The following DHX35 variants were observed in gnomAD, a reference collection of about 807,000 sequenced individuals.
DHX35 encodes the protein DEAH-box helicase 35.
A neutral mutation model predicts 99.6 loss-of-function variants in DHX35; 84 were observed. The observed-to-expected ratio is 0.84, with a 90% CI of 0.71 to 1.01. The LOEUF is 1.01. Among genes scored for constraint, DHX35 ranks in the 50% least tolerant of loss-of-function variants. The pLI, the probability that DHX35 is intolerant of heterozygous loss-of-function variation, is 0.00. For missense variants in DHX35, 852 were observed against 888.5 expected, an observed-to-expected ratio of 0.96 and a Z score of 0.52; for synonymous variants, 331 against 316.2, an observed-to-expected ratio of 1.05 and a Z score of -0.50.
chr20:39,001,495 ATTATTT>A (rs1422283343), intron 8 of DHX35, among the ~76,000 whole-genome samples: 1 of 152,188 alleles, frequency 6.6e-6, no homozygotes, highest in African/African-American at 2.4e-5. Flanking sequence ...TCTAACCTTT[ATTATTT>A]TTATTAAAAC....
In DHX35 at chr20:39,038,495, G is replaced by A. The variant is rs764562394; in HGVS notation, c.2068-4G>A. The stretch of plus-strand genomic sequence containing the variant: ...CAACTGTAGTGTCTTCTCTTCTGTT[G>A]CAGCACCTGTCTCTGAAAGCCAAAA... On this transcript the variant is annotated splice_region_variant and splice_polypyrimidine_tract_variant and intron_variant, in intron 21 of 21. Transcript: ENST00000252011. 1.9e-6 allele frequency: 3 copies of A among 1,613,594 alleles called. No individual in the cohort carries two copies. In the South Asian group the frequency reaches 3.3e-5, roughly 18 times the overall value.
chr20:39,018,288 T>C (rs1384747689), intron 14 of DHX35, among the ~76,000 whole-genome samples: 1 of 151,714 alleles, frequency 6.6e-6, no homozygotes, highest in Non-Finnish European at 1.5e-5. Context: ...TGGTAGAAAG[T>C]CCAGACAGTG....
chr20:38,994,284 G>C (rs912287761), intron 7 of DHX35, among the ~76,000 whole-genome samples: 7 of 151,342 alleles, frequency 4.6e-5, no homozygotes, highest in Non-Finnish European at 1.0e-4. Flanking sequence ...GGATAGATGG[G>C]GAAAAAAAAA....
chr20:38,986,721 C>T (rs1282918075), intron 4 of DHX35, among the ~76,000 whole-genome samples: 1 of 152,262 alleles, frequency 6.6e-6, no homozygotes, highest in East Asian at 1.9e-4. Context: ...AAATGCTGGT[C>T]ATTGGGAAAT....
At chr20:38,982,101 C>G (rs1431191279) in intron 3 of DHX35, among the ~76,000 whole-genome samples, 1 of 152,104 alleles carries the variant, frequency 6.6e-6, no homozygotes, top group African/African-American at 2.4e-5. Flanking sequence ...ATCTGTCTAT[C>G]CATCTATATT....
At chr20:39,018,570 T>C (rs1165493458) in intron 14 of DHX35, among the ~76,000 whole-genome samples, 1 of 151,876 alleles carries the variant, frequency 6.6e-6, no homozygotes, top group Non-Finnish European at 1.5e-5. Flanking sequence ...TGAATAGAAG[T>C]CTTTAGAAGT....
intron 11 of DHX35, among the ~76,000 whole-genome samples, chr20:39,004,527 G>A (rs796146926): frequency 1.3e-5 from 2 of 152,326 alleles, no homozygotes; most frequent in African/African-American, 4.8e-5. Context: ...TCAGTCAGGA[G>A]CAATAGAAAA....
At chr20:38,971,985 G>GTTTTTTTT (rs1190714244) in intron 2 of DHX35, among the ~76,000 whole-genome samples, 1 of 95,762 alleles carries the variant, frequency 1.0e-5, no homozygotes, top group Non-Finnish European at 2.4e-5. Context: ...ATAATTTCTT[G>GTTTTTTTT]TTTTTTTTGT....
At chr20:39,027,437 T>C (rs962772885) in intron 18 of DHX35, among the ~76,000 whole-genome samples, 3 of 152,166 alleles carry the variant, frequency 2.0e-5, no homozygotes, top group African/African-American at 7.2e-5. Flanking sequence ...GGTTGATAAA[T>C]GGGCTAAGGA....
At chr20:39,013,119 A>C (rs1000703031) in intron 13 of DHX35, among the ~76,000 whole-genome samples, 1 of 151,870 alleles carries the variant, frequency 6.6e-6, no homozygotes, top group Non-Finnish European at 1.5e-5. Flanking sequence ...ACTTTTGGAC[A>C]GTTGAAAAAT....
intron 21 of DHX35, among the ~76,000 whole-genome samples, chr20:39,037,457 T>C (rs1347087112): frequency 6.6e-6 from 1 of 152,228 alleles, no homozygotes; most frequent in Admixed American, 6.5e-5. Flanking sequence ...ACCCGGGTCC[T>C]GTTCGCTCTG....
chr20:38,988,713 A>T (rs945229093), intron 4 of DHX35, 100 bp from the exon 5 acceptor site: 10 of 1,524,402 alleles, frequency 6.6e-6, no homozygotes, highest in Non-Finnish European at 8.9e-6. Flanking sequence ...TTGTGTTCAC[A>T]TACTATTTAA....
At chr20:39,013,380 G>C (rs1353662463) in intron 13 of DHX35, among the ~76,000 whole-genome samples, 2 of 152,162 alleles carry the variant, frequency 1.3e-5, no homozygotes, top group Non-Finnish European at 2.9e-5. Flanking sequence ...ATGGGTGCAA[G>C]AAACAATGAA....
At position 39,002,860 on chromosome 20, in the gene DHX35, A is replaced by T. The variant is rs1317402767; in HGVS notation, c.844A>T (p.Thr282Ser). Residue 282 changes from threonine (T) to serine (S), a missense_variant, in exon 10 of 22, where the codon ACT becomes TCT. Physicochemically the swap from Thr to Ser is moderately conservative, Grantham distance 58. Coordinates refer to ENST00000252011, the MANE Select transcript of DHX35 (RefSeq NM_021931.4). ...AGACGGAGACGTTTTAGCATTTCTT[A>T]CTGGCCAGGTAATGCCACTGTACTT... Reference protein sequence around the residue: ...EGDGDVLAFLTGQEEVETVVS... With the variant: ...EGDGDVLAFLSGQEEVETVVS... 3.1e-6 allele frequency: 5 copies of T among 1,613,926 alleles called. No homozygotes were observed. In the African/African-American group the frequency reaches 6.7e-5, roughly 22 times the overall value.
intron 8 of DHX35, among the ~76,000 whole-genome samples, chr20:38,995,491 T>C (rs1472822658): frequency 6.6e-6 from 1 of 151,596 alleles, no homozygotes; most frequent in Non-Finnish European, 1.5e-5. Context: ...TCCATTGCAC[T>C]CCAGCTTGGG....
At chr20:38,982,107 A>G (rs1042259979) in intron 3 of DHX35, among the ~76,000 whole-genome samples, 7 of 152,166 alleles carry the variant, frequency 4.6e-5, no homozygotes, top group Non-Finnish European at 8.8e-5. Context: ...CTATCCATCT[A>G]TATTTTAAAC....
At chr20:39,009,559 A>C (rs902197755) in intron 12 of DHX35, among the ~76,000 whole-genome samples, 1 of 152,028 alleles carries the variant, frequency 6.6e-6, no homozygotes, top group African/African-American at 2.4e-5. Context: ...ATAATCCTTA[A>C]GCTTTCTGAA....
intron 19 of DHX35, among the ~76,000 whole-genome samples, chr20:39,028,730 A>T (rs1463132064): frequency 6.6e-6 from 1 of 152,254 alleles, no homozygotes; most frequent in Non-Finnish European, 1.5e-5. Context: ...TTTTAGAAGG[A>T]TGACAATTAT....
chr20:38,998,658 C>G (rs1265787476), intron 8 of DHX35, among the ~76,000 whole-genome samples: 2 of 152,212 alleles, frequency 1.3e-5, no homozygotes, highest in Non-Finnish European at 2.9e-5. Flanking sequence ...TTTTACTCTT[C>G]TTGTTCCTTG....
Sources: gnomAD v4.1 joint callset for allele counts (sites outside exome capture counted in the v4.1 genomes callset) on GRCh38, gnomAD v4.1.1 for gene constraint, MANE v1.5 for transcripts, NCBI Gene and HGNC (gene_info 2026-07-23, HGNC 2026-07-21) for gene names.